NBAS: variants seen among roughly 807,000 people sequenced by gnomAD.
The protein encoded by NBAS is NAG/BC035112 fusion.
A neutral mutation model predicts 302.5 loss-of-function variants in NBAS; 219 were observed. The ratio of observed to expected loss-of-function variants is 0.72; its 90% CI spans 0.65 to 0.81. NBAS has a LOEUF of 0.81. Ranked by LOEUF, NBAS falls within the 30% of genes least tolerant of loss-of-function variation. The probability of loss-of-function intolerance (pLI) is 0.00; values close to 1 mark genes in which losing one functional copy is unlikely to be tolerated. For missense variants in NBAS, 2,932 were observed against 2,841.6 expected (o/e 1.03, Z -0.72); for synonymous variants, 1,118 against 1,021.6 (o/e 1.09, Z -1.80).
At chr2:15,094,234 G>C in the NBAS span, among the ~76,000 whole-genome samples, 1 of 152,124 alleles carries the variant, frequency 6.6e-6, no homozygotes, top group African/African-American at 2.4e-5. Flanking sequence ...GTAACTGTTT[G>C]GAAAGAACAT....
intron 9 of NBAS, among the ~76,000 whole-genome samples, chr2:15,526,416 T>C (rs954699814): frequency 6.6e-6 from 1 of 152,244 alleles, no homozygotes; most frequent in African/African-American, 2.4e-5. Context: ...ATCCTGTTTG[T>C]ATATTACCAA....
At chr2:15,442,452 A>G (rs1315676198) in intron 21 of NBAS, among the ~76,000 whole-genome samples, 1 of 151,806 alleles carries the variant, frequency 6.6e-6, no homozygotes, top group Non-Finnish European at 1.5e-5. Context: ...CTTTGAAACC[A>G]ACAAGAACAA....
At chr2:15,059,952 A>AG in the NBAS span, among the ~76,000 whole-genome samples, 9 of 102,086 alleles carry the variant, frequency 8.8e-5, no homozygotes, top group East Asian at 2.2e-3. Flanking sequence ...GCTGCTAAAA[A>AG]AAAAAAAAAA....
In NBAS at chr2:15,478,289, G is replaced by A. The variant is rs779602732; in HGVS notation, c.1084C>T (p.Pro362Ser). The change falls in exon 13 of 52, where the codon CCA becomes TCA. Residue 362 changes from proline to serine, a missense_variant and splice_region_variant. Physicochemically the swap from Pro to Ser is moderately conservative, Grantham distance 74 (BLOSUM62 -1). Coordinates refer to ENST00000281513, the MANE Select transcript of NBAS (RefSeq NM_015909.4). ...QQGEWGQNEQ[P>S]GYDDLNPDWR... is the part of the protein sequence containing the mutation. ...TCAGGATTAAGGTCATCATAGCCTG[G>A]CTAAATATGAAAATAATGACTTCCT... The A allele has an allele frequency of 2.5e-6, 4 of 1,608,470 alleles. No homozygotes were observed. Among genetic ancestry groups the A allele is most frequent in the Non-Finnish European group, 3.4e-6 (4 of 1,175,240 alleles).
At chr2:15,421,356 T>G (rs1677205173) in intron 23 of NBAS, among the ~76,000 whole-genome samples, 1 of 152,204 alleles carries the variant, frequency 6.6e-6, no homozygotes, top group African/African-American at 2.4e-5. Flanking sequence ...ATAAGTGTTT[T>G]AAAATGAAAT....
intron 48 of NBAS, among the ~76,000 whole-genome samples, chr2:15,215,110 G>A (rs1040505985): frequency 6.6e-6 from 1 of 152,064 alleles, no homozygotes; most frequent in African/African-American, 2.4e-5. Flanking sequence ...ACCGTACTAT[G>A]AGGATTAACA....
chr2:15,350,814 A>C (rs1673318138), intron 35 of NBAS, among the ~76,000 whole-genome samples: 1 of 152,216 alleles, frequency 6.6e-6, no homozygotes, highest in African/African-American at 2.4e-5. Context: ...AACACTTAGG[A>C]TAACAGGCAA....
chr2:15,098,312 TGTATATC>T, the NBAS span, among the ~76,000 whole-genome samples: 742 of 984 alleles, frequency 0.75, 342 homozygotes, highest in Non-Finnish European at 0.92. Context: ...TATAATATAT[TGTATATC>T]ATATATGATA....
At chr2:15,303,635 G>A (rs988826136) in intron 40 of NBAS, among the ~76,000 whole-genome samples, 1 of 152,144 alleles carries the variant, frequency 6.6e-6, no homozygotes, top group African/African-American at 2.4e-5. Flanking sequence ...AGGTGGGATG[G>A]AATGTAATGG....
At chr2:14,785,943 T>C in the NBAS span, among the ~76,000 whole-genome samples, 11 of 152,332 alleles carry the variant, frequency 7.2e-5, 1 homozygote, top group East Asian at 2.1e-3. Flanking sequence ...TGTGAATCCA[T>C]CTGGTCCTGG....
downstream of NBAS, among the ~76,000 whole-genome samples, chr2:15,162,454 C>T (rs182226608): frequency 5.9e-5 from 9 of 152,236 alleles, no homozygotes; most frequent in Non-Finnish European, 1.2e-4. Context: ...TGACAGCCAC[C>T]GGGGGAGCAG....
chr2:15,125,230 G>T, the NBAS span, among the ~76,000 whole-genome samples: 5 of 152,172 alleles, frequency 3.3e-5, no homozygotes, highest in African/African-American at 1.2e-4. Context: ...ATAAAGAAAA[G>T]AAGTTTAATT....
intron 38 of NBAS, 111 bp from the exon 39 acceptor site, chr2:15,309,358 G>T: frequency 1.2e-6 from 1 of 843,648 alleles, no homozygotes; most frequent in Non-Finnish European, 1.9e-6. Flanking sequence ...TAGTGGCAGA[G>T]ACCTTTTAGG....
intron 32 of NBAS, among the ~76,000 whole-genome samples, chr2:15,360,868 C>T (rs1289000025): frequency 6.6e-6 from 1 of 152,030 alleles, no homozygotes; most frequent in African/African-American, 2.4e-5. Context: ...GAAGGACCTG[C>T]CTGAGGCTAT....
chr2:14,808,629 A>T, the NBAS span, among the ~76,000 whole-genome samples: 1 of 152,236 alleles, frequency 6.6e-6, no homozygotes, highest in Non-Finnish European at 1.5e-5. Context: ...AACTGAAAGT[A>T]AATTGCCCAG....
At chr2:15,237,001 T>C (rs1667625558) in intron 45 of NBAS, among the ~76,000 whole-genome samples, 1 of 152,222 alleles carries the variant, frequency 6.6e-6, no homozygotes, top group African/African-American at 2.4e-5. Flanking sequence ...CTCCACTGAC[T>C]GATCTTTCTA....
chr2:15,021,320 G>A, the NBAS span, among the ~76,000 whole-genome samples: 1 of 151,522 alleles, frequency 6.6e-6, no homozygotes, highest in Admixed American at 6.6e-5. Context: ...AGAGACCAAG[G>A]TATAAATAAT....
At chr2:14,967,358 G>A in the NBAS span, among the ~76,000 whole-genome samples, 1 of 152,100 alleles carries the variant, frequency 6.6e-6, no homozygotes, top group Non-Finnish European at 1.5e-5. Context: ...AAAGAGCAAA[G>A]TTGTAAGACT....
At chr2:15,143,874 G>C in the NBAS span, among the ~76,000 whole-genome samples, 2 of 151,758 alleles carry the variant, frequency 1.3e-5, no homozygotes, top group Non-Finnish European at 2.9e-5. Context: ...TAGCCTCCCA[G>C]CCTACATCTT....
Sources: gnomAD v4.1 joint callset for allele counts (sites outside exome capture counted in the v4.1 genomes callset) on GRCh38, gnomAD v4.1.1 for gene constraint, MANE v1.5 for transcripts, NCBI Gene and HGNC (gene_info 2026-07-23, HGNC 2026-07-21) for gene names.